Variants in TRIM9 observed in about 807,000 individuals in gnomAD.
TRIM9 encodes the protein E3 ubiquitin-protein ligase TRIM9.
A neutral mutation model predicts 78.3 loss-of-function variants in TRIM9; 26 were observed. The ratio of observed to expected loss-of-function variants is 0.33; its 90% confidence interval spans 0.24 to 0.46. The LOEUF is 0.46. Among genes scored for constraint, TRIM9 ranks in the 20% least tolerant of loss-of-function variants. TRIM9 has a pLI of 1.00. For synonymous variants in TRIM9, 398 were observed against 416.5 expected (o/e 0.96, Z 0.54); for missense variants, 787 against 1,036.4 (o/e 0.76, Z 3.30).
intron 1 of TRIM9, among the ~76,000 whole-genome samples, chr14:51,081,956 C>T (rs1035937988): frequency 2.0e-5 from 3 of 152,192 alleles, no homozygotes; most frequent in African/African-American, 7.2e-5. Flanking sequence ...ACTCAATCTC[C>T]AGCCACCCTC....
chr14:51,069,464 C>G (rs982625946), intron 1 of TRIM9, among the ~76,000 whole-genome samples: 9 of 152,090 alleles, frequency 5.9e-5, no homozygotes, highest in Non-Finnish European at 1.5e-5. Flanking sequence ...TAGGGTGGCT[C>G]CCTAGAACAA....
At chr14:51,064,165 T>TA (rs138102464) in intron 1 of TRIM9, among the ~76,000 whole-genome samples, 3,804 of 152,212 alleles carry the variant, frequency 0.025, 165 homozygotes, top group African/African-American at 0.088. Context: ...TGTGATCAAT[T>TA]AGAACATAGA....
intron 1 of TRIM9, among the ~76,000 whole-genome samples, chr14:51,026,786 C>G (rs2058270456): frequency 6.6e-6 from 1 of 152,122 alleles, no homozygotes; most frequent in Non-Finnish European, 1.5e-5. Flanking sequence ...CTCGCTCTAT[C>G]CCCTATAAGT....
At chr14:51,047,218 C>T (rs1441838678) in intron 1 of TRIM9, among the ~76,000 whole-genome samples, 1 of 152,184 alleles carries the variant, frequency 6.6e-6, no homozygotes, top group African/African-American at 2.4e-5. Flanking sequence ...TTCCCTTTCC[C>T]TGTCTTCCCA....
rs2062739656 is a variant in TRIM9, at chr14:51,075,935, T to C, written c.822+18183A>G. ...CACAGGAATTCAACAAATGTTTCATTAAATACACTTCTATTTATTATTTTA... is the reference window on the plus strand; with the variant it reads ...CACAGGAATTCAACAAATGTTTCATCAAATACACTTCTATTTATTATTTTA... On this transcript the variant is annotated intron_variant, in intron 1 of 12. Transcript: ENST00000684578. Among the ~76,000 whole-genome samples, 2 of 152,256 alleles carry C rather than the reference T, an allele frequency of 1.3e-5. 1 individual carries two copies. Among genetic ancestry groups the C allele is most frequent in the Admixed American group, 1.3e-4 (2 of 15,292 alleles).
intron 4 of TRIM9, among the ~76,000 whole-genome samples, chr14:51,009,886 C>T (rs2056352795): frequency 6.6e-6 from 1 of 152,162 alleles, no homozygotes; most frequent in African/African-American, 2.4e-5. Context: ...CATAGCATCT[C>T]ACTAAAACAA....
intron 1 of TRIM9, among the ~76,000 whole-genome samples, chr14:51,045,470 C>G (rs1321732857): frequency 2.6e-5 from 4 of 152,326 alleles, no homozygotes; most frequent in Non-Finnish European, 5.9e-5. Context: ...AGGTTAGGGA[C>G]AGGATGTCAA....
At chr14:50,984,881 G>A (rs1306942024) in intron 8 of TRIM9, among the ~76,000 whole-genome samples, 1 of 152,186 alleles carries the variant, frequency 6.6e-6, no homozygotes, top group Non-Finnish European at 1.5e-5. Context: ...AACAAAGCAT[G>A]TTGGGAAGCC....
chr14:51,046,237 C>G (rs1306400962), intron 1 of TRIM9, among the ~76,000 whole-genome samples: 3 of 152,084 alleles, frequency 2.0e-5, no homozygotes, highest in Non-Finnish European at 4.4e-5. Flanking sequence ...GCAAGGGACA[C>G]TTGTGGGGCT....
intron 1 of TRIM9, among the ~76,000 whole-genome samples, chr14:51,061,390 G>A (rs1044950948): frequency 6.8e-6 from 1 of 147,210 alleles, no homozygotes; most frequent in African/African-American, 2.5e-5. Flanking sequence ...TCCAGCCTGG[G>A]TGACAAAGCA....
intron 8 of TRIM9, among the ~76,000 whole-genome samples, chr14:50,984,291 C>A (rs1027242886): frequency 1.3e-5 from 2 of 152,004 alleles, no homozygotes; most frequent in Non-Finnish European, 2.9e-5. Context: ...ATGCTAATTC[C>A]TAAAACATTT....
At chr14:51,035,916 C>T (rs2059105507) in intron 1 of TRIM9, among the ~76,000 whole-genome samples, 3 of 152,338 alleles carry the variant, frequency 2.0e-5, no homozygotes, top group Middle Eastern at 6.8e-3. Context: ...AAAGCATGCT[C>T]CCTGACAGAG....
At chr14:51,076,130 G>GA (rs1232943733) in intron 1 of TRIM9, among the ~76,000 whole-genome samples, 1 of 152,186 alleles carries the variant, frequency 6.6e-6, no homozygotes, top group Non-Finnish European at 1.5e-5. Flanking sequence ...ATAGGAGGTG[G>GA]TGTGTTGCCT....
intron 1 of TRIM9, among the ~76,000 whole-genome samples, chr14:51,044,124 C>T (rs10873042): frequency 0.43 from 65,224 of 151,892 alleles, 15,506 homozygotes; most frequent in African/African-American, 0.65. Flanking sequence ...AAGTACTAGA[C>T]TGTAACATGT....
chr14:51,000,468 CCTGT>C (rs1354142949), intron 6 of TRIM9, among the ~76,000 whole-genome samples: 2 of 152,208 alleles, frequency 1.3e-5, no homozygotes, highest in Admixed American at 6.5e-5. Flanking sequence ...TACTGCATGT[CCTGT>C]CTCATAAGAA....
chr14:51,059,555 T>C (rs1171283093), intron 1 of TRIM9, among the ~76,000 whole-genome samples: 1 of 151,934 alleles, frequency 6.6e-6, no homozygotes, highest in Non-Finnish European at 1.5e-5. Context: ...ATCCCAGCAC[T>C]TTGGGAGGCT....
intron 1 of TRIM9, among the ~76,000 whole-genome samples, chr14:51,071,374 CT>C (rs1356160485): frequency 1.0e-4 from 9 of 87,620 alleles, no homozygotes; most frequent in Non-Finnish European, 4.3e-5. Flanking sequence ...GAAACTCCGT[CT>C]AAAAAAAAAA....
chr14:51,020,996 T>G lies in TRIM9; in HGVS notation c.1041+1839A>C, dbSNP rs528398938. 3.9e-5 allele frequency among the ~76,000 whole-genome samples: 6 copies of G among 152,384 alleles called. No homozygotes were observed. In the South Asian group the frequency reaches 1.2e-3, roughly 32 times the overall value. On this transcript the variant is annotated intron_variant, in intron 3 of 12. Transcript: ENST00000684578. ...AAGTTAAAATGTTATGGCTAGGTAC[T>G]TAAATAGTTGTTCCACTATTTAGCG...
intron 1 of TRIM9, among the ~76,000 whole-genome samples, chr14:51,067,779 C>T (rs2061873595): frequency 6.6e-6 from 1 of 152,168 alleles, no homozygotes; most frequent in Non-Finnish European, 1.5e-5. Context: ...AACCTCCTTA[C>T]TACTTCCTTC....
Sources: allele counts gnomAD v4.1 joint callset (sites outside exome capture counted in the v4.1 genomes callset), GRCh38; gene constraint gnomAD v4.1.1; transcripts MANE v1.5; gene names NCBI Gene and HGNC (gene_info 2026-07-23, HGNC 2026-07-21).